POLE4: variants seen among roughly 807,000 people sequenced by gnomAD.
The protein encoded by POLE4 is DNA polymerase epsilon 4, accessory subunit.
A neutral mutation model predicts 15.6 loss-of-function variants in POLE4; 15 were observed. The ratio of observed to expected loss-of-function variants is 0.96; its 90% CI spans 0.64 to 1.48. The LOEUF (loss-of-function observed/expected upper bound fraction) is 1.48, where lower values mean the gene tolerates loss of function less well. Among genes scored for constraint, POLE4 ranks in the 40% most tolerant of loss-of-function variants. The probability of loss-of-function intolerance (pLI) is 0.00; values close to 1 mark genes in which losing one functional copy is unlikely to be tolerated. For missense variants in POLE4, 205 were observed against 151.9 expected, an observed-to-expected ratio of 1.35 and a Z score of -1.84; for synonymous variants, 83 against 63.2, an observed-to-expected ratio of 1.31 and a Z score of -1.49.
chr2:74,966,166 T>C (rs182260210), intron 3 of POLE4, among the ~76,000 whole-genome samples: 1 of 152,276 alleles, frequency 6.6e-6, no homozygotes, highest in East Asian at 1.9e-4. Flanking sequence ...TCAGTTACTA[T>C]GTAAGTCCTT....
chr2:74,963,579 A>T (rs375943300), intron 3 of POLE4, among the ~76,000 whole-genome samples: 1 of 151,988 alleles, frequency 6.6e-6, no homozygotes, highest in Non-Finnish European at 1.5e-5. Flanking sequence ...TCTCTGCTCA[A>T]TGCAGCCCCC....
At chr2:74,965,129 T>C (rs955782711) in intron 3 of POLE4, among the ~76,000 whole-genome samples, 6 of 150,982 alleles carry the variant, frequency 4.0e-5, no homozygotes, top group Non-Finnish European at 7.4e-5. Flanking sequence ...AGTCTCACTC[T>C]GTTGCCCAGG....
rs781219971 is a variant in POLE4, at chr2:74,959,346, G to A, written c.219G>A (p.Leu73=). ...AIFILARAAE[L]FVETIAKDAY... ...TTTGCTTTTTTACTTCACAGGAACT[G>A]TTTGTGGAGACCATTGCAAAAGATG... is the stretch of plus-strand genomic sequence containing the variant. Residue 73 remains leucine (L), a synonymous_variant, in exon 2 of 4, where the codon CTG becomes CTA. Coordinates refer to ENST00000483063, the MANE Select transcript of POLE4 (RefSeq NM_019896.4). The A allele has an allele frequency of 2.5e-6, 4 of 1,612,744 alleles. No individual in the cohort carries two copies. Among genetic ancestry groups the A allele is most frequent in the Non-Finnish European group, 3.4e-6 (4 of 1,178,776 alleles).
intron 3 of POLE4, among the ~76,000 whole-genome samples, chr2:74,968,514 C>T (rs991905246): frequency 1.3e-5 from 2 of 151,864 alleles, no homozygotes; most frequent in Admixed American, 6.6e-5. Flanking sequence ...TGGGTGACCC[C>T]GAGGGTATGA....
intron 3 of POLE4, among the ~76,000 whole-genome samples, chr2:74,968,487 G>A (rs1172856354): frequency 6.6e-6 from 1 of 152,020 alleles, no homozygotes; most frequent in African/African-American, 2.4e-5. Context: ...GAACAGGGGT[G>A]GGACCAGATG....
intron 3 of POLE4, among the ~76,000 whole-genome samples, chr2:74,963,364 C>T (rs1277338138): frequency 3.3e-5 from 5 of 152,072 alleles, no homozygotes; most frequent in African/African-American, 1.2e-4. Flanking sequence ...ATTCGTATTG[C>T]CCTGATTGTG....
intron 3 of POLE4, among the ~76,000 whole-genome samples, chr2:74,965,175 C>T (rs951254059): frequency 6.6e-6 from 1 of 150,900 alleles, no homozygotes; most frequent in Non-Finnish European, 1.5e-5. Flanking sequence ...CTCATTGCAA[C>T]CTCTGCCTCC....
At chr2:74,960,401 A>T (rs372449464) in intron 3 of POLE4, among the ~76,000 whole-genome samples, 14 of 152,242 alleles carry the variant, frequency 9.2e-5, no homozygotes, top group African/African-American at 2.9e-4. Flanking sequence ...GTGGAGTTAG[A>T]TGAATTCGAA....
chr2:74,966,049 G>GTT (rs142235760), intron 3 of POLE4, among the ~76,000 whole-genome samples: 1 of 143,450 alleles, frequency 7.0e-6, no homozygotes, highest in African/African-American at 2.5e-5. Context: ...TTTATGTTTT[G>GTT]TTTTTTTTTT....
chr2:74,968,703 T>C lies in POLE4; in HGVS notation c.341-706T>C, dbSNP rs3771804. ...GCCTGTGGGGAGGGTTGTGGGGAGA[T>C]AGGGGCAACTGTTTGTCATACAGAC... On this transcript the variant is annotated intron_variant, in intron 3 of 3. Coordinates refer to ENST00000483063, the MANE Select transcript of POLE4 (RefSeq NM_019896.4). Among the ~76,000 whole-genome samples, 293 of 151,474 alleles carry C rather than the reference T, an allele frequency of 1.9e-3. 8 individuals are homozygous for C. The East Asian group carries it at 0.054, about 28-fold the overall frequency.
At chr2:74,967,781 T>G (rs1322787764) in intron 3 of POLE4, among the ~76,000 whole-genome samples, 2 of 152,230 alleles carry the variant, frequency 1.3e-5, no homozygotes, top group African/African-American at 4.8e-5. Context: ...CATTTGCTCC[T>G]GAAGCCACCT....
chr2:74,959,248 C>T (rs1573425826), intron 1 of POLE4, 93 bp from the exon 2 acceptor site: 5 of 758,366 alleles, frequency 6.6e-6, no homozygotes, highest in Non-Finnish European at 1.1e-5. Flanking sequence ...CCGAGCCTTT[C>T]TTCTCCCTTT....
chr2:74,965,378 C>T (rs555137219), intron 3 of POLE4, among the ~76,000 whole-genome samples: 349 of 152,254 alleles, frequency 2.3e-3, no homozygotes, highest in Non-Finnish European at 3.4e-3. Flanking sequence ...GGATTACAGG[C>T]GTGAGCCACC....
rs1292960659 is a variant in POLE4 at position 74,969,626 on chromosome 2, AAG to A, written c.*205_*206del. 2 of 618,954 alleles carry A rather than the reference AAG, an allele frequency of 3.2e-6. No homozygotes were observed. Among genetic ancestry groups the A allele is most frequent in the Non-Finnish European group, 5.8e-6 (2 of 343,486 alleles). The allele number at this position is 618,954 out of a possible 1,614,324, so 38.3% of individuals were successfully genotyped here. ...ACTATTTCTGTCTGTCTTCCATATC[AAG>A]CCTGGATGCAGCTGCTGCTGCTTAG... On this transcript the variant is annotated 3_prime_UTR_variant, in exon 4 of 4. Coordinates refer to ENST00000483063, the MANE Select transcript of POLE4 (RefSeq NM_019896.4).
chr2:74,961,933 A>G (rs1671226275), intron 3 of POLE4, among the ~76,000 whole-genome samples: 1 of 152,154 alleles, frequency 6.6e-6, no homozygotes, highest in Non-Finnish European at 1.5e-5. Context: ...CGTTTTTATA[A>G]TACATATCCA....
At chr2:74,965,713 T>C (rs185174713) in intron 3 of POLE4, among the ~76,000 whole-genome samples, 2 of 152,214 alleles carry the variant, frequency 1.3e-5, no homozygotes, top group African/African-American at 4.8e-5. Flanking sequence ...TGTTATATAT[T>C]GTTGGTGATT....
At chr2:74,964,741 T>A (rs1671272801) in intron 3 of POLE4, among the ~76,000 whole-genome samples, 1 of 152,166 alleles carries the variant, frequency 6.6e-6, no homozygotes, top group African/African-American at 2.4e-5. Flanking sequence ...GAATGACATA[T>A]CTGTTGATTT....
intron 3 of POLE4, among the ~76,000 whole-genome samples, chr2:74,967,314 ATTTTTTTTGTTT>A (rs1166068027): frequency 3.0e-5 from 4 of 135,414 alleles, no homozygotes; most frequent in Non-Finnish European, 6.4e-5. Context: ...CCTTTAAACT[ATTTTTTTTGTTT>A]TTTTTTTTTA....
At position 74,959,334 on chromosome 2, in the gene POLE4, T is replaced by C. The variant is rs1432942623; in HGVS notation, c.214-7T>C. 6.2e-6 allele frequency: 10 copies of C among 1,609,640 alleles called. No homozygotes were observed. The highest frequency in any genetic ancestry group is 1.7e-5 in the Admixed American group (1 of 59,768). On this transcript the variant is annotated splice_region_variant and splice_polypyrimidine_tract_variant and intron_variant, in intron 1 of 3. Coordinates refer to ENST00000483063, the MANE Select transcript of POLE4 (RefSeq NM_019896.4). ...CATTACTAAAACTTTGCTTTTTTACTTCACAGGAACTGTTTGTGGAGACCA... is the reference window on the plus strand; with the variant it reads ...CATTACTAAAACTTTGCTTTTTTACCTCACAGGAACTGTTTGTGGAGACCA...
Sources: allele counts gnomAD v4.1 joint callset (sites outside exome capture counted in the v4.1 genomes callset), GRCh38; gene constraint gnomAD v4.1.1; transcripts MANE v1.5; gene names NCBI Gene and HGNC (gene_info 2026-07-23, HGNC 2026-07-21).